The following SYT16 variants were observed in gnomAD, a reference collection of about 807,000 sequenced individuals.
The protein encoded by SYT16 is synaptotagmin 16.
In SYT16, 42 loss-of-function variants were observed where a neutral mutation model predicts 61.4. That is an observed-to-expected ratio of 0.68 (90% confidence interval 0.53 to 0.89). SYT16 has a LOEUF of 0.89. Among genes scored for constraint, SYT16 ranks in the 40% least tolerant of loss-of-function variants. SYT16 has a pLI of 0.00. For missense variants in SYT16, 804 were observed against 807.3 expected, an observed-to-expected ratio of 1.00 and a Z score of 0.05; for synonymous variants, 314 against 302.3, an observed-to-expected ratio of 1.04 and a Z score of -0.40.
chr14:61,850,077 T>A lies in SYT16; in HGVS notation c.-325+37267T>A, dbSNP rs146740552. Among the ~76,000 whole-genome samples the A allele has an allele frequency of 2.0e-3, 300 of 152,294 alleles. 1 individual carries two copies. The highest frequency in any genetic ancestry group is 6.7e-3 in the African/African-American group (280 of 41,558). On this transcript the variant is annotated intron_variant, in intron 1 of 7. Coordinates refer to ENST00000683842, the MANE Select transcript of SYT16 (RefSeq NM_001367656.1). ...TTTTTGACTTTTTAGTAATAGTCAT[T>A]CTGACTGGTGTAAGATGGTATCTCA...
chr14:61,933,449 T>C (rs2049855557), intron 1 of SYT16, among the ~76,000 whole-genome samples: 1 of 152,258 alleles, frequency 6.6e-6, no homozygotes. Flanking sequence ...AATGTAGGAC[T>C]GTATAGTACA....
At chr14:62,048,961 G>C (rs1159584635) in intron 3 of SYT16, among the ~76,000 whole-genome samples, 2 of 152,172 alleles carry the variant, frequency 1.3e-5, no homozygotes, top group African/African-American at 2.4e-5. Context: ...TGTTGATCTG[G>C]GGTGGAGGGT....
At chr14:62,012,714 T>A (rs78904121) in intron 3 of SYT16, among the ~76,000 whole-genome samples, 7,791 of 150,436 alleles carry the variant, frequency 0.052, 237 homozygotes, top group African/African-American at 0.083. Context: ...CTCTTATAGA[T>A]TTTTTTTTAG....
chr14:61,927,899 G>A (rs963902237), intron 1 of SYT16, among the ~76,000 whole-genome samples: 3 of 152,016 alleles, frequency 2.0e-5, no homozygotes, highest in Non-Finnish European at 4.4e-5. Context: ...AGCCTCAATT[G>A]AATCAACTTT....
At chr14:61,996,642 C>T (rs1222712055) in intron 3 of SYT16, 100 bp downstream of exon 3, 1 of 1,416,784 alleles carries the variant, frequency 7.1e-7, no homozygotes, top group East Asian at 2.3e-5. Flanking sequence ...TTTTATTTTT[C>T]TCTCTCTTAT....
chr14:61,951,174 A>G (rs1479865279), intron 1 of SYT16, among the ~76,000 whole-genome samples: 2 of 152,180 alleles, frequency 1.3e-5, no homozygotes, highest in African/African-American at 4.8e-5. Context: ...GGGTGAACTT[A>G]TATCTGTGGA....
chr14:61,893,071 C>T (rs899644742), intron 1 of SYT16, among the ~76,000 whole-genome samples: 1 of 152,126 alleles, frequency 6.6e-6, no homozygotes. Flanking sequence ...TAGCGACACT[C>T]ATGTGGTGTA....
chr14:61,955,260 A>C (rs1186663575), intron 1 of SYT16, among the ~76,000 whole-genome samples: 1 of 152,122 alleles, frequency 6.6e-6, no homozygotes, highest in African/African-American at 2.4e-5. Context: ...AAAGTTTCAT[A>C]CTGTCCCTCC....
intron 4 of SYT16, among the ~76,000 whole-genome samples, chr14:62,071,538 G>A (rs2056300562): frequency 6.6e-6 from 1 of 152,152 alleles, no homozygotes; most frequent in Non-Finnish European, 1.5e-5. Context: ...AAAATCAGCA[G>A]GATTTTCACA....
At position 61,997,064 on chromosome 14, in the gene SYT16, T is replaced by C. The variant is rs79578855; in HGVS notation, c.523+522T>C. On this transcript the variant is annotated intron_variant, in intron 3 of 7. Transcript: ENST00000683842. The stretch of plus-strand genomic sequence containing the variant: ...GAATAGCTTGATTTTCTTTTAGCTC[T>C]GAATGGTAAGGACACATTTAATAAA... Among the ~76,000 whole-genome samples, 54 of 152,232 alleles carry C rather than the reference T, an allele frequency of 3.5e-4. No homozygotes were observed. The East Asian group carries it at 9.3e-3, about 26-fold the overall frequency.
At chr14:61,936,774 G>T (rs1303635479) in intron 1 of SYT16, among the ~76,000 whole-genome samples, 1 of 152,068 alleles carries the variant, frequency 6.6e-6, no homozygotes, top group Non-Finnish European at 1.5e-5. Flanking sequence ...CAGAGAGAGG[G>T]TCACAAGCCC....
At chr14:62,090,640 T>C (rs1456478082) in intron 7 of SYT16, among the ~76,000 whole-genome samples, 7 of 152,232 alleles carry the variant, frequency 4.6e-5, no homozygotes, top group African/African-American at 1.7e-4. Flanking sequence ...GCATAGGTGA[T>C]ATTCCTTTTT....
rs2055909896 is a variant in SYT16, at chr14:62,063,295, G to A, written c.524-6308G>A. Among the ~76,000 whole-genome samples, 3 of 152,186 alleles carry A rather than the reference G, an allele frequency of 2.0e-5. No homozygotes were observed. In the South Asian group the frequency reaches 6.2e-4, roughly 32 times the overall value. On this transcript the variant is annotated intron_variant, in intron 3 of 7. Coordinates refer to ENST00000683842, the MANE Select transcript of SYT16 (RefSeq NM_001367656.1). ...TCCTGTGCGTATAAATGCCAAGCTG[G>A]AGAAAAGGATTTCCACAAAGGGCAG...
intron 1 of SYT16, among the ~76,000 whole-genome samples, chr14:61,938,004 T>C (rs1166661935): frequency 2.1e-5 from 2 of 95,320 alleles, no homozygotes; most frequent in African/African-American, 3.4e-5. Flanking sequence ...GCCTCTTCTG[T>C]TGCCCCAACC....
chr14:62,019,877 G>T lies in SYT16; in HGVS notation c.523+23335G>T, dbSNP rs149605309. Among the ~76,000 whole-genome samples, 755 of 152,324 alleles carry T rather than the reference G, an allele frequency of 5.0e-3. 20 individuals are homozygous for T. The highest frequency in any genetic ancestry group is 0.041 in the Admixed American group (620 of 15,290). ...ATTTAAAAGCGCCTATCTGACACCTGATTCTAAATGGTGGCCTGACCACAA... is the reference window on the plus strand; with the variant it reads ...ATTTAAAAGCGCCTATCTGACACCTTATTCTAAATGGTGGCCTGACCACAA... On this transcript the variant is annotated intron_variant, in intron 3 of 7. Transcript: ENST00000683842.
At chr14:61,972,540 A>G (rs939425845) in intron 2 of SYT16, among the ~76,000 whole-genome samples, 2 of 152,224 alleles carry the variant, frequency 1.3e-5, no homozygotes, top group Non-Finnish European at 2.9e-5. Context: ...TCCCCAAATT[A>G]TAATGTCTAA....
intron 1 of SYT16, among the ~76,000 whole-genome samples, chr14:61,814,927 C>T (rs1323069146): frequency 2.6e-5 from 4 of 152,184 alleles, no homozygotes; most frequent in African/African-American, 7.2e-5. Context: ...ATTTTGAAAA[C>T]GTAGAGCCCA....
chr14:61,932,741 C>T (rs1231883455), intron 1 of SYT16, among the ~76,000 whole-genome samples: 2 of 152,188 alleles, frequency 1.3e-5, no homozygotes, highest in Non-Finnish European at 1.5e-5. Context: ...CTCTCCCTTA[C>T]ACCCCTTCCC....
At position 62,108,942 on chromosome 14, in the gene SYT16, T is replaced by C. The variant is rs2057557560; in HGVS notation, c.*8235T>C. 2.6e-5 allele frequency: 4 copies of C among 152,212 alleles called. No individual in the cohort carries two copies. The South Asian group carries it at 8.3e-4, about 32-fold the overall frequency. The allele number at this position is 152,212 out of a possible 1,614,324, so 9.4% of individuals were successfully genotyped here. A position where few individuals can be genotyped will look rare whatever the true frequency, so the allele number is the denominator to read the frequency against. On this transcript the variant is annotated 3_prime_UTR_variant, in exon 8 of 8. Coordinates refer to ENST00000683842, the MANE Select transcript of SYT16 (RefSeq NM_001367656.1). ...GATCCTAAAATATAGAGTTCTCATA[T>C]ACTCCAAACACAACCTTCTTCCCCG...
Sources: gnomAD v4.1 joint callset for allele counts (sites outside exome capture counted in the v4.1 genomes callset) on GRCh38, gnomAD v4.1.1 for gene constraint, MANE v1.5 for transcripts, NCBI Gene and HGNC (gene_info 2026-07-23, HGNC 2026-07-21) for gene names.